Variants in GRWD1 observed in about 807,000 individuals in gnomAD.
GRWD1 encodes glutamate rich WD repeat containing 1.
In GRWD1, 29 loss-of-function variants were observed where a neutral mutation model predicts 45.3. The observed-to-expected ratio is 0.64, with a 90% CI of 0.48 to 0.87. The LOEUF (loss-of-function observed/expected upper bound fraction) is 0.87, where lower values mean the gene tolerates loss of function less well. GRWD1 is among the 40% of genes least tolerant of loss of function. The probability of loss-of-function intolerance (pLI) is 0.00; values close to 1 mark genes in which losing one functional copy is unlikely to be tolerated. For missense variants in GRWD1, 592 were observed against 618.8 expected (o/e 0.96, Z 0.46); for synonymous variants, 262 against 257.6 (o/e 1.02, Z -0.16).
rs768601092 is a variant in GRWD1, at chr19:48,446,819, C to T, written c.444C>T (p.His148=). ...KPQLELAMVP[H]YGGINRVRVS... ...AGCTGGAGCTGGCCATGGTGCCCCA[C>T]TATGGTGGCATCAACCGAGTTCGGG... is the stretch of plus-strand genomic sequence containing the variant. The change falls in exon 3 of 7, where the codon CAC becomes CAT. Residue 148 remains histidine, a synonymous_variant. Transcript: ENST00000253237. 1.2e-6 allele frequency: 2 copies of T among 1,613,754 alleles called. No individual in the cohort carries two copies. The highest frequency in any genetic ancestry group is 1.7e-6 in the Non-Finnish European group (2 of 1,179,982).
Position 48,453,079 on chromosome 19 carries a change from G to A in GRWD1, c.*54G>A. 4.0e-6 allele frequency: 6 copies of A among 1,497,196 alleles called. No individual in the cohort carries two copies. The highest frequency in any genetic ancestry group is 5.4e-6 in the Non-Finnish European group (6 of 1,109,690). 92.7% of individuals were successfully genotyped at this position (1,497,196 alleles called of 1,614,324 possible). The stretch of plus-strand genomic sequence containing the variant: ...CTGCTTGGAAACTGAAGTCGAATTG[G>A]GCTCCCCTGGAAGGGGTTCATTCAG... On this transcript the variant is annotated 3_prime_UTR_variant, in exon 7 of 7. Transcript: ENST00000253237.
At position 48,452,669 on chromosome 19, in the gene GRWD1, A is replaced by G; in HGVS notation, c.1024-39A>G. On this transcript the variant is annotated intron_variant, in intron 6 of 6. Transcript: ENST00000253237. This position sits in a 1 kb window ranked among gnomAD's most constrained non-coding sequence, Gnocchi z 5.1. ...CTGGGTCCTCCCCAGAGTCAGGCTG[A>G]GGCATTCAGAGCCCGTTCCTCCCAT... 1 of 1,502,930 alleles carries G rather than the reference A, an allele frequency of 6.7e-7. No individual in the cohort carries two copies. The highest frequency in any genetic ancestry group is 1.4e-5 in the African/African-American group (1 of 72,386). The allele number at this position is 1,502,930 out of a possible 1,614,324, so 93.1% of individuals were successfully genotyped here.
At position 48,453,234 on chromosome 19, in the gene GRWD1, G is replaced by A. The variant is rs1971496555; in HGVS notation, c.*209G>A. 1 of 531,912 alleles carries A rather than the reference G, an allele frequency of 1.9e-6. No individual in the cohort carries two copies. The highest frequency in any genetic ancestry group is 1.9e-5 in the African/African-American group (1 of 52,330). 32.9% of individuals were successfully genotyped at this position (531,912 alleles called of 1,614,324 possible). A position where few individuals can be genotyped will look rare whatever the true frequency, so the allele number is the denominator to read the frequency against. On this transcript the variant is annotated 3_prime_UTR_variant, in exon 7 of 7. Coordinates refer to ENST00000253237, the MANE Select transcript of GRWD1 (RefSeq NM_031485.4). ...AAGAACTCGGTTTAACCAGGGCTCT[G>A]TAAGACCACTCCCACCCAGAGACTT...
rs1218118027 is a variant in GRWD1, at chr19:48,452,045, A to T, written c.1024-663A>T. On this transcript the variant is annotated intron_variant, in intron 6 of 6. Coordinates refer to ENST00000253237, the MANE Select transcript of GRWD1 (RefSeq NM_031485.4). The surrounding 1 kb of genome is among the most constrained non-coding windows in gnomAD (Gnocchi z 5.1). ...TCTGCCTCCTTTGAGGCCTTTGTAGAATCTGCTGGGAGAGCTCTGGGAGAG... is the reference window on the plus strand; with the variant it reads ...TCTGCCTCCTTTGAGGCCTTTGTAGTATCTGCTGGGAGAGCTCTGGGAGAG... Among the ~76,000 whole-genome samples the T allele has an allele frequency of 6.6e-6, 1 of 151,020 alleles. No homozygotes were observed. Among genetic ancestry groups the T allele is most frequent in the Non-Finnish European group, 1.5e-5 (1 of 67,926 alleles).
chr19:48,453,673 C>G lies in GRWD1; in HGVS notation c.*648C>G, dbSNP rs1362356614. The G allele has an allele frequency of 2.0e-5, 3 of 152,248 alleles. No homozygotes were observed. Among genetic ancestry groups the G allele is most frequent in the African/African-American group, 7.2e-5 (3 of 41,436 alleles). The allele number at this position is 152,248 out of a possible 1,614,324, so 9.4% of individuals were successfully genotyped here. On this transcript the variant is annotated 3_prime_UTR_variant, in exon 7 of 7. Transcript: ENST00000253237. ...CCCAGTTTTGGCTGCTGGTTCCCAGCAGGGGACTCGGGGGATATACAGTGG... is the reference window on the plus strand; with the variant it reads ...CCCAGTTTTGGCTGCTGGTTCCCAGGAGGGGACTCGGGGGATATACAGTGG...
chr19:48,448,349 G>A (rs1601002966), intron 3 of GRWD1, among the ~76,000 whole-genome samples: 1 of 152,184 alleles, frequency 6.6e-6, no homozygotes, highest in Non-Finnish European at 1.5e-5. Flanking sequence ...AGCAGTACTT[G>A]GCTGATAGCT....
Position 48,450,923 on chromosome 19 carries a change from G to A in GRWD1, c.826-111G>A, listed in dbSNP as rs1971467727. 6.6e-7 allele frequency: 1 copy of A among 1,507,398 alleles called. No homozygotes were observed. The highest frequency in any genetic ancestry group is 1.9e-5 in the Admixed American group (1 of 52,556). 93.4% of individuals were successfully genotyped at this position (1,507,398 alleles called of 1,614,324 possible). A position where few individuals can be genotyped will look rare whatever the true frequency, so the allele number is the denominator to read the frequency against. ...GAGCCTGACGGAGGTTTAGTTTCCAGGCCAAGTCATAGTAAGGGGAACAGT... is the reference window on the plus strand; with the variant it reads ...GAGCCTGACGGAGGTTTAGTTTCCAAGCCAAGTCATAGTAAGGGGAACAGT... On this transcript the variant is annotated intron_variant, in intron 5 of 6. Coordinates refer to ENST00000253237, the MANE Select transcript of GRWD1 (RefSeq NM_031485.4). This position sits in a 1 kb window ranked among gnomAD's most constrained non-coding sequence, Gnocchi z 5.1.
chr19:48,453,298 G>A lies in GRWD1; in HGVS notation c.*273G>A. ...TGGCCTGTGTGTCGGATTCCTTCCT[G>A]TCAGCTGTGACCCATTTGACCTGTG... On this transcript the variant is annotated 3_prime_UTR_variant, in exon 7 of 7. Coordinates refer to ENST00000253237, the MANE Select transcript of GRWD1 (RefSeq NM_031485.4). 2.6e-6 allele frequency: 1 copy of A among 386,136 alleles called. No individual in the cohort carries two copies. The highest frequency in any genetic ancestry group is 2.1e-5 in the African/African-American group (1 of 48,664). The allele number at this position is 386,136 out of a possible 1,614,324, so 23.9% of individuals were successfully genotyped here. A position where few individuals can be genotyped will look rare whatever the true frequency, so the allele number is the denominator to read the frequency against.
Position 48,450,414 on chromosome 19 carries a change from C to T in GRWD1, c.570C>T (p.Pro190=). The change falls in exon 4 of 7, where the codon CCC becomes CCT. Residue 190 remains proline (P), a synonymous_variant. Coordinates refer to ENST00000253237, the MANE Select transcript of GRWD1 (RefSeq NM_031485.4). The surrounding 1 kb of genome is among the most constrained non-coding windows in gnomAD (Gnocchi z 5.1). ...GGCTTCTGCAGGTGGTGGAGGAGCC[C>T]CAGGCCCTGGCAGCCTTCCTCCGGG... ...LRRLLQVVEE[P]QALAAFLRDE... The T allele has an allele frequency of 6.2e-7, 1 of 1,614,012 alleles. No individual in the cohort carries two copies. Among genetic ancestry groups the T allele is most frequent in the East Asian group, 2.2e-5 (1 of 44,868 alleles).
chr19:48,450,813 G>A lies in GRWD1; in HGVS notation c.825+5G>A, dbSNP rs1397283055. 1.9e-6 allele frequency: 3 copies of A among 1,611,694 alleles called. No individual in the cohort carries two copies. The highest frequency in any genetic ancestry group is 1.1e-5 in the South Asian group (1 of 90,820). ...TGGTCACCGACTGAGAACACGGTGA[G>A]GGAGGGTGGGGTTCTGGTCGTTTAG... On this transcript the variant is annotated splice_donor_5th_base_variant and intron_variant, in intron 5 of 6. Transcript: ENST00000253237. This position sits in a 1 kb window ranked among gnomAD's most constrained non-coding sequence, Gnocchi z 5.1.
chr19:48,450,921 C>T lies in GRWD1; in HGVS notation c.825+113C>T. 6.7e-7 allele frequency: 1 copy of T among 1,502,614 alleles called. No homozygotes were observed. Among genetic ancestry groups the T allele is most frequent in the Non-Finnish European group, 9.1e-7 (1 of 1,104,484 alleles). 93.1% of individuals were successfully genotyped at this position (1,502,614 alleles called of 1,614,324 possible). A position where few individuals can be genotyped will look rare whatever the true frequency, so the allele number is the denominator to read the frequency against. The stretch of plus-strand genomic sequence containing the variant: ...GGGAGCCTGACGGAGGTTTAGTTTC[C>T]AGGCCAAGTCATAGTAAGGGGAACA... On this transcript the variant is annotated intron_variant, in intron 5 of 6. Coordinates refer to ENST00000253237, the MANE Select transcript of GRWD1 (RefSeq NM_031485.4). The surrounding 1 kb of genome is among the most constrained non-coding windows in gnomAD (Gnocchi z 5.1).
intron 3 of GRWD1, among the ~76,000 whole-genome samples, chr19:48,447,741 A>G (rs1971427222): frequency 6.6e-6 from 1 of 152,226 alleles, no homozygotes; most frequent in Non-Finnish European, 1.5e-5. Flanking sequence ...TATTATGATC[A>G]GTGTCATTAC....
Position 48,446,082 on chromosome 19 carries a change from C to T in GRWD1, c.77C>T (p.Ser26Phe), listed in dbSNP as rs1005600134. Residue 26 changes from serine to phenylalanine, a missense_variant, in exon 1 of 7, where the codon TCC (serine) becomes TTC (phenylalanine). Physicochemically the swap from Ser to Phe is radical, Grantham distance 155. Coordinates refer to ENST00000253237, the MANE Select transcript of GRWD1 (RefSeq NM_031485.4). Reference protein sequence around the residue: ...PMEAESGDTSSEGPAQVYLPG... With the variant: ...PMEAESGDTSFEGPAQVYLPG... Reference sequence around the variant, plus strand: ...GAAGCCGAGTCCGGCGACACAAGTTCCGAGGGCCCGGCCCAGGTCTACCTG... The same window carrying T: ...GAAGCCGAGTCCGGCGACACAAGTTTCGAGGGCCCGGCCCAGGTCTACCTG... The T allele has an allele frequency of 6.3e-7, 1 of 1,596,118 alleles. No individual in the cohort carries two copies. Among genetic ancestry groups the T allele is most frequent in the South Asian group, 1.1e-5 (1 of 88,106 alleles).
rs1373342317 is a variant in GRWD1, at chr19:48,455,496, G to A, written c.*2471G>A. ...TATCTCCTTTATATGGAAACATTAA[G>A]CTGCTCTCGCAGGTCAGGTGGAGGA... On this transcript the variant is annotated 3_prime_UTR_variant, in exon 7 of 7. Coordinates refer to ENST00000253237, the MANE Select transcript of GRWD1 (RefSeq NM_031485.4). 2 of 152,228 alleles carry A rather than the reference G, an allele frequency of 1.3e-5. No individual in the cohort carries two copies. The highest frequency in any genetic ancestry group is 2.9e-5 in the Non-Finnish European group (2 of 68,062). The allele number at this position is 152,228 out of a possible 1,614,324, so 9.4% of individuals were successfully genotyped here.
chr19:48,449,219 A>G (rs990164782), intron 3 of GRWD1, among the ~76,000 whole-genome samples: 2 of 151,954 alleles, frequency 1.3e-5, no homozygotes, highest in African/African-American at 4.8e-5. Context: ...TCAGCCTCCT[A>G]AGTAGCTGGG....
In GRWD1 at chr19:48,453,041, C is replaced by T. The variant is rs1405830133; in HGVS notation, c.*16C>T. On this transcript the variant is annotated 3_prime_UTR_variant, in exon 7 of 7. Transcript: ENST00000253237. ...CAGCGTCTGAGGCGTCCCACTGGCT[C>T]TGATCTTGCTTCCTGCTTGGAAACT... is the stretch of plus-strand genomic sequence containing the variant. 6.4e-7 allele frequency: 1 copy of T among 1,552,866 alleles called. No individual in the cohort carries two copies. Among genetic ancestry groups the T allele is most frequent in the Admixed American group, 1.8e-5 (1 of 54,742 alleles).
Position 48,450,106 on chromosome 19 carries a change from C to G in GRWD1, c.469-207C>G, listed in dbSNP as rs930012544. ...TCAGCTCCCCCACCCACTCCCACCC[C>G]CTGTGGAGAGCTGTCCCAGTTACCA... On this transcript the variant is annotated intron_variant, in intron 3 of 6. Coordinates refer to ENST00000253237, the MANE Select transcript of GRWD1 (RefSeq NM_031485.4). This position sits in a 1 kb window ranked among gnomAD's most constrained non-coding sequence, Gnocchi z 5.1. Among the ~76,000 whole-genome samples, 10 of 152,202 alleles carry G rather than the reference C, an allele frequency of 6.6e-5. No individual in the cohort carries two copies. The highest frequency in any genetic ancestry group is 1.9e-4 in the East Asian group (1 of 5,166).
In GRWD1 at chr19:48,452,926, G is replaced by T; in HGVS notation, c.1242G>T (p.Glu414Asp). 1 of 1,612,042 alleles carries T rather than the reference G, an allele frequency of 6.2e-7. No individual in the cohort carries two copies. Among genetic ancestry groups the T allele is most frequent in the Non-Finnish European group, 8.5e-7 (1 of 1,179,848 alleles). ...AGCTGCTGTTCGTGCACCAGGGCGAGACCGAGCTGAAGGAGCTGCACTGGC... is the reference window on the plus strand; with the variant it reads ...AGCTGCTGTTCGTGCACCAGGGCGATACCGAGCTGAAGGAGCTGCACTGGC... ...PQQLLFVHQG[E>D]TELKELHWHP... Residue 414 changes from glutamate to aspartate, a missense_variant, in exon 7 of 7, where the codon GAG (glutamate) becomes GAT (aspartate). Physicochemically the swap from Glu to Asp is conservative, Grantham distance 45. Transcript: ENST00000253237. The surrounding 1 kb of genome is among the most constrained non-coding windows in gnomAD (Gnocchi z 5.1).
chr19:48,453,749 G>C lies in GRWD1; in HGVS notation c.*724G>C, dbSNP rs923729701. 6.6e-6 allele frequency: 1 copy of C among 152,234 alleles called. No individual in the cohort carries two copies. Among genetic ancestry groups the C allele is most frequent in the African/African-American group, 2.4e-5 (1 of 41,444 alleles). The allele number at this position is 152,234 out of a possible 1,614,324, so 9.4% of individuals were successfully genotyped here. Reference sequence around the variant, plus strand: ...CCTCCAACACAATTTGCTTCTGCCCGTTGTCTTCCTGCCAGCTGGGTTTGG... The same window carrying C: ...CCTCCAACACAATTTGCTTCTGCCCCTTGTCTTCCTGCCAGCTGGGTTTGG... On this transcript the variant is annotated 3_prime_UTR_variant, in exon 7 of 7. Transcript: ENST00000253237.
Sources: allele counts gnomAD v4.1 joint callset (sites outside exome capture counted in the v4.1 genomes callset), GRCh38; gene constraint gnomAD v4.1.1; non-coding constraint Gnocchi (gnomAD v3.1); transcripts MANE v1.5; gene names NCBI Gene and HGNC (gene_info 2026-07-23, HGNC 2026-07-21).